Variants in UQCC2 observed in about 807,000 individuals in gnomAD.
The protein encoded by UQCC2 is breast cancer-associated protein SGA-81M.
In UQCC2, 21 loss-of-function variants were observed where a neutral mutation model predicts 19.9. That is an observed-to-expected ratio of 1.05 (90% CI 0.75 to 1.52). UQCC2 has a LOEUF of 1.52. Ranked by LOEUF, UQCC2 falls within the 40% of genes most tolerant of loss-of-function variation. UQCC2 has a pLI of 0.00. For synonymous variants in UQCC2, 57 were observed against 60.9 expected (o/e 0.94, Z 0.30); for missense variants, 135 against 157.5 (o/e 0.86, Z 0.76).
At position 33,711,468 on chromosome 6, in the gene UQCC2, T is replaced by C. The variant is rs1330701872; in HGVS notation, c.138+81A>G. On this transcript the variant is annotated intron_variant, in intron 1 of 3. Coordinates refer to ENST00000607484, the MANE Select transcript of UQCC2 (RefSeq NM_032340.4). ...GAAAGAGGGCGCGCGCATGCGCAGATCCCCCTGCTAGCGCGCTCGTTGGCC... is the reference window on the plus strand; with the variant it reads ...GAAAGAGGGCGCGCGCATGCGCAGACCCCCCTGCTAGCGCGCTCGTTGGCC... The C allele has an allele frequency of 4.7e-6, 7 of 1,496,156 alleles. No homozygotes were observed. The East Asian group carries it at 7.2e-5, about 15-fold the overall frequency. The allele number at this position is 1,496,156 out of a possible 1,614,324, so 92.7% of individuals were successfully genotyped here.
At chr6:33,710,475 T>G (rs1458659556) in intron 1 of UQCC2, among the ~76,000 whole-genome samples, 3 of 152,206 alleles carry the variant, frequency 2.0e-5, no homozygotes, top group East Asian at 3.9e-4. Flanking sequence ...ATTCTGGCTT[T>G]CTTTCTGTCC....
chr6:33,704,070 GATAA>G (rs146510798), intron 1 of UQCC2, among the ~76,000 whole-genome samples: 12 of 152,302 alleles, frequency 7.9e-5, no homozygotes, highest in Admixed American at 2.0e-4. Flanking sequence ...GTGGTGTGAG[GATAA>G]ATGAGGTGAC....
At chr6:33,706,614 CAG>C (rs1765701791) in intron 1 of UQCC2, among the ~76,000 whole-genome samples, 3 of 152,172 alleles carry the variant, frequency 2.0e-5, no homozygotes, top group Non-Finnish European at 2.9e-5. Context: ...AGCGACAGTG[CAG>C]AGAGTGAGGA....
intron 1 of UQCC2, 67 bp from the exon 2 acceptor site, chr6:33,701,487 G>T: frequency 6.8e-7 from 1 of 1,476,030 alleles, no homozygotes; most frequent in Non-Finnish European, 9.3e-7. Flanking sequence ...TCTGTACCTT[G>T]AGGAAAGACC....
At chr6:33,708,051 T>C (rs966864988) in intron 1 of UQCC2, among the ~76,000 whole-genome samples, 10 of 152,244 alleles carry the variant, frequency 6.6e-5, no homozygotes, top group African/African-American at 2.4e-4. Flanking sequence ...GTATGAATTA[T>C]TGATTTGCCC....
intron 2 of UQCC2, among the ~76,000 whole-genome samples, 164 bp from the exon 3 acceptor site, chr6:33,700,677 C>G (rs1421058783): frequency 6.6e-6 from 1 of 152,194 alleles, no homozygotes; most frequent in Non-Finnish European, 1.5e-5. Context: ...TCGCAAGAAC[C>G]AGTACAGTCT....
At chr6:33,703,576 C>A (rs974289815) in intron 1 of UQCC2, among the ~76,000 whole-genome samples, 19 of 151,842 alleles carry the variant, frequency 1.3e-4, no homozygotes, top group African/African-American at 4.6e-4. Context: ...CTGGCACCAT[C>A]CCTTATCAGC....
chr6:33,702,056 G>C (rs1765647178), intron 1 of UQCC2, among the ~76,000 whole-genome samples: 2 of 152,144 alleles, frequency 1.3e-5, no homozygotes, highest in Admixed American at 1.3e-4. Flanking sequence ...GCCCAGGCTG[G>C]AGTGCAGTGG....
chr6:33,711,493 C>T (rs1765771173), intron 1 of UQCC2, 56 bp downstream of exon 1: 11 of 1,533,398 alleles, frequency 7.2e-6, no homozygotes, highest in Non-Finnish European at 8.8e-6. Flanking sequence ...GCTCGTTGGC[C>T]CCGCCCCTGC....
At chr6:33,703,822 C>T (rs939039559) in intron 1 of UQCC2, among the ~76,000 whole-genome samples, 2 of 152,106 alleles carry the variant, frequency 1.3e-5, no homozygotes, top group Non-Finnish European at 2.9e-5. Flanking sequence ...CACTTAACAC[C>T]GATACAACAC....
Position 33,696,829 on chromosome 6 carries a change from G to A in UQCC2, c.*824C>T, listed in dbSNP as rs1172629271. 1.3e-5 allele frequency: 2 copies of A among 152,276 alleles called. No individual in the cohort carries two copies. Among genetic ancestry groups the A allele is most frequent in the Non-Finnish European group, 2.9e-5 (2 of 68,056 alleles). The allele number at this position is 152,276 out of a possible 1,614,324, so 9.4% of individuals were successfully genotyped here. ...GAACATCCTGAGGAGTCTAGACACA[G>A]ACGAGGTTAAGAACCCACTTCCACT... is the stretch of plus-strand genomic sequence containing the variant. On this transcript the variant is annotated 3_prime_UTR_variant, in exon 4 of 4. Transcript: ENST00000607484.
chr6:33,706,362 G>A (rs1361558771), intron 1 of UQCC2, among the ~76,000 whole-genome samples: 2 of 152,204 alleles, frequency 1.3e-5, no homozygotes, highest in African/African-American at 4.8e-5. Flanking sequence ...TATAGAAAGA[G>A]TGCTCCACTA....
intron 1 of UQCC2, among the ~76,000 whole-genome samples, chr6:33,704,648 T>A (rs1386620947): frequency 1.3e-5 from 2 of 152,142 alleles, no homozygotes; most frequent in Non-Finnish European, 2.9e-5. Flanking sequence ...ACCAAGCTCT[T>A]AGGAAAGGAG....
chr6:33,698,047 G>A (rs1765589127), intron 3 of UQCC2: 1 of 385,256 alleles, frequency 2.6e-6, no homozygotes, highest in African/African-American at 2.0e-5. Flanking sequence ...TGCTCCGTAT[G>A]AGGGCAAAGA....
rs373712708 is a variant in UQCC2 at position 33,702,724 on chromosome 6, C to T, written c.139-1304G>A. On this transcript the variant is annotated intron_variant, in intron 1 of 3. Transcript: ENST00000607484. ...CTGCCAAGAATTTTGAAAAGCTCCC[C>T]AGAACAAAACTTTCTCTTTTATATT... Among the ~76,000 whole-genome samples, 15 of 152,290 alleles carry T rather than the reference C, an allele frequency of 9.8e-5. No individual in the cohort carries two copies. The East Asian group carries it at 1.5e-3, about 16-fold the overall frequency.
rs577123364 is a variant in UQCC2, at chr6:33,707,103, G to A, written c.138+4446C>T. On this transcript the variant is annotated intron_variant, in intron 1 of 3. Transcript: ENST00000607484. The stretch of plus-strand genomic sequence containing the variant: ...TTATCCCTTCAGGTGGAGCACTGCA[G>A]CTTTACATATGCAGAGATAAACGCC... Among the ~76,000 whole-genome samples, 11 of 152,340 alleles carry A rather than the reference G, an allele frequency of 7.2e-5. No homozygotes were observed. The South Asian group carries it at 2.3e-3, about 32-fold the overall frequency.
chr6:33,698,823 C>T lies in UQCC2; in HGVS notation c.284-1073G>A, dbSNP rs115985763. ...GGGGGGCAAAACCATCCCCCCAGTA[C>T]GGAACCATTTGTCTAAAGTCTCTAG... On this transcript the variant is annotated intron_variant, in intron 3 of 3. Coordinates refer to ENST00000607484, the MANE Select transcript of UQCC2 (RefSeq NM_032340.4). 6.2e-3 allele frequency among the ~76,000 whole-genome samples: 937 copies of T among 152,266 alleles called. 11 individuals are homozygous for T. The highest frequency in any genetic ancestry group is 0.035 in the South Asian group (169 of 4,822).
chr6:33,701,394 C>A lies in UQCC2; in HGVS notation c.165G>T (p.Gln55His). ...GGAGTCGCGCTAAGCTCTCGTACAT[C>A]TGATCACAGGCCTCAGGCTCTGCAA... is the stretch of plus-strand genomic sequence containing the variant. ...TQVAEPEACD[Q>H]MYESLARLHS... Residue 55 changes from glutamine (Q) to histidine (H), a missense_variant, in exon 2 of 4, where the codon CAG becomes CAT. Physicochemically the swap from Gln to His is conservative, Grantham distance 24. Transcript: ENST00000607484. 2.5e-6 allele frequency: 4 copies of A among 1,613,810 alleles called. No individual in the cohort carries two copies. The South Asian group carries it at 4.4e-5, about 18-fold the overall frequency.
At chr6:33,700,317 A>G in intron 3 of UQCC2, 127 bp downstream of exon 3, 1 of 1,006,036 alleles carries the variant, frequency 9.9e-7, no homozygotes, top group Non-Finnish European at 1.5e-6. Flanking sequence ...TAGCTTCAGA[A>G]TTTCCTCTGG....
Sources: allele counts gnomAD v4.1 joint callset (sites outside exome capture counted in the v4.1 genomes callset), GRCh38; gene constraint gnomAD v4.1.1; transcripts MANE v1.5; gene names NCBI Gene and HGNC (gene_info 2026-07-23, HGNC 2026-07-21).